Variants in PHIP observed in about 807,000 individuals in gnomAD.
PHIP encodes PHIP subunit of CUL4-Ring ligase complex.
In PHIP, 54 loss-of-function variants were observed where a neutral mutation model predicts 236.8. The ratio of observed to expected loss-of-function variants is 0.23; its 90% CI spans 0.18 to 0.29. The LOEUF is 0.29. Ranked by LOEUF, PHIP falls within the 10% of genes least tolerant of loss-of-function variation. PHIP has a pLI of 1.00. For synonymous variants in PHIP, 756 were observed against 718.9 expected, an observed-to-expected ratio of 1.05 and a Z score of -0.83; for missense variants, 1,370 against 2,190.8, an observed-to-expected ratio of 0.63 and a Z score of 7.48.
chr6:79,012,092 A>G (rs1356414971), intron 15 of PHIP, among the ~76,000 whole-genome samples: 1 of 151,718 alleles, frequency 6.6e-6, no homozygotes, highest in Non-Finnish European at 1.5e-5. Context: ...CAAAAAAAGA[A>G]TTTACATTTC....
intron 23 of PHIP, among the ~76,000 whole-genome samples, chr6:78,979,991 T>C (rs1306796319): frequency 1.3e-5 from 2 of 151,972 alleles, no homozygotes; most frequent in Non-Finnish European, 2.9e-5. Flanking sequence ...AGCATTACCC[T>C]GGAGAGTTAG....
At chr6:78,992,954 G>T (rs1344142104) in intron 19 of PHIP, among the ~76,000 whole-genome samples, 1 of 152,204 alleles carries the variant, frequency 6.6e-6, no homozygotes, top group Non-Finnish European at 1.5e-5. Context: ...TGCCTCTTGT[G>T]CCCAACAACC....
At chr6:79,026,188 T>C (rs746792925) in intron 7 of PHIP, 24 bp from the exon 8 acceptor site, 11 of 1,496,942 alleles carry the variant, frequency 7.3e-6, no homozygotes, top group East Asian at 2.3e-5. Context: ...TGGATATTAA[T>C]AGAATTAACC....
intron 24 of PHIP, among the ~76,000 whole-genome samples, chr6:78,973,195 A>G (rs1767743320): frequency 6.6e-6 from 1 of 152,184 alleles, no homozygotes; most frequent in African/African-American, 2.4e-5. Flanking sequence ...GAAACTCTAC[A>G]AGCCAGAAGA....
intron 4 of PHIP, among the ~76,000 whole-genome samples, chr6:79,073,586 A>G (rs1774000584): frequency 6.6e-6 from 1 of 151,926 alleles, no homozygotes; most frequent in Admixed American, 6.6e-5. Flanking sequence ...TTTCCCTGAA[A>G]GTTGTCTCTA....
intron 9 of PHIP, among the ~76,000 whole-genome samples, chr6:79,023,838 T>C (rs1213254655): frequency 1.3e-5 from 2 of 152,184 alleles, no homozygotes; most frequent in African/African-American, 4.8e-5. Context: ...TTTAATTCTG[T>C]AAAACATTTT....
chr6:79,024,669 G>A (rs987127152), intron 9 of PHIP, among the ~76,000 whole-genome samples: 12 of 152,246 alleles, frequency 7.9e-5, no homozygotes, highest in Non-Finnish European at 1.5e-4. Context: ...TACGGGAGTG[G>A]TGGCGGGCGC....
rs36155238 is a variant in PHIP, at chr6:78,940,548, G to GTTTTTT, written c.*139_*144dup. 0.02 allele frequency: 1,627 copies of GTTTTTT among 82,698 alleles called. 253 individuals are homozygous for GTTTTTT. Among genetic ancestry groups the GTTTTTT allele is most frequent in the African/African-American group, 0.036 (632 of 17,676 alleles). 5.1% of individuals were successfully genotyped at this position (82,698 alleles called of 1,614,324 possible). ...AAGAAGTGAAGTGTCTCGTAAGTTTGTTTTTTTTTTTTTTTTTTTTTTTGC... is the reference window on the plus strand; with the variant it reads ...AAGAAGTGAAGTGTCTCGTAAGTTTGTTTTTTTTTTTTTTTTTTTTTTTTTTTTTGC... On this transcript the variant is annotated 3_prime_UTR_variant, in exon 40 of 40. Coordinates refer to ENST00000275034, the MANE Select transcript of PHIP (RefSeq NM_017934.7).
intron 6 of PHIP, among the ~76,000 whole-genome samples, chr6:79,044,336 T>A (rs963825269): frequency 6.6e-6 from 1 of 152,178 alleles, no homozygotes; most frequent in Non-Finnish European, 1.5e-5. Context: ...TCAATTAGCA[T>A]ATTTAGGCTT....
At chr6:78,941,829 C>A (rs962202888) in intron 39 of PHIP, among the ~76,000 whole-genome samples, 1 of 152,080 alleles carries the variant, frequency 6.6e-6, no homozygotes, top group Non-Finnish European at 1.5e-5. Context: ...TGTGTGCCAC[C>A]ATTATCATGA....
chr6:79,019,034 ATAAGGCTTCTAAATGAACAACTT>A, intron 10 of PHIP, 32 bp downstream of exon 10: 1 of 1,221,320 alleles, frequency 8.2e-7, no homozygotes, highest in Non-Finnish European at 1.2e-6. Flanking sequence ...ACACTCCACT[ATAAGGCTTCTAAATGAACAACTT>A]TAAGTCGAAA....
At chr6:78,952,486 ATAT>A (rs1190064074) in intron 35 of PHIP, among the ~76,000 whole-genome samples, 3 of 151,682 alleles carry the variant, frequency 2.0e-5, no homozygotes, top group Non-Finnish European at 4.4e-5. Context: ...AGCTCCTCAA[ATAT>A]TGCTCCTCTC....
intron 9 of PHIP, among the ~76,000 whole-genome samples, chr6:79,020,503 G>A (rs1331780861): frequency 6.6e-6 from 1 of 152,056 alleles, no homozygotes; most frequent in African/African-American, 2.4e-5. Flanking sequence ...GCAACTAAAT[G>A]CATTGCTTTC....
intron 7 of PHIP, among the ~76,000 whole-genome samples, chr6:79,031,566 C>T (rs1207656834): frequency 1.3e-5 from 2 of 152,046 alleles, no homozygotes; most frequent in Non-Finnish European, 2.9e-5. Context: ...TACATTTTTC[C>T]AATCCTAACA....
In PHIP at chr6:79,078,012, G is replaced by A; in HGVS notation, c.40+17C>T. Reference sequence around the variant, plus strand: ...GAATCGCCCGGTGCCAGCGGCCCCGGCAGCCCCCCGACTTACCCGATCGCA... The same window carrying A: ...GAATCGCCCGGTGCCAGCGGCCCCGACAGCCCCCCGACTTACCCGATCGCA... On this transcript the variant is annotated intron_variant, in intron 1 of 39. Transcript: ENST00000275034. 1.9e-6 allele frequency: 3 copies of A among 1,608,032 alleles called. No individual in the cohort carries two copies. The highest frequency in any genetic ancestry group is 1.7e-6 in the Non-Finnish European group (2 of 1,178,824).
chr6:79,043,365 A>G (rs991192317), intron 6 of PHIP, among the ~76,000 whole-genome samples: 2 of 152,122 alleles, frequency 1.3e-5, no homozygotes, highest in African/African-American at 4.8e-5. Flanking sequence ...TGTCTATGAA[A>G]TAGTTTTTCT....
At chr6:78,962,062 A>G (rs1766817009) in intron 30 of PHIP, among the ~76,000 whole-genome samples, 2 of 152,146 alleles carry the variant, frequency 1.3e-5, no homozygotes, top group African/African-American at 4.8e-5. Flanking sequence ...AATTATATAT[A>G]CATATATCAG....
In PHIP at chr6:79,029,066, CT is replaced by C. The variant is rs1047426284; in HGVS notation, c.601-2903del. Reference sequence around the variant, plus strand: ...TTAGTATTGCTTGATTAAATTTGCTCTTTTTAGACAAGTGCTGAAAACAAAC... The same window carrying C: ...TTAGTATTGCTTGATTAAATTTGCTCTTTTAGACAAGTGCTGAAAACAAAC... On this transcript the variant is annotated intron_variant, in intron 7 of 39. Transcript: ENST00000275034. Among the ~76,000 whole-genome samples, 4 of 152,258 alleles carry C rather than the reference CT, an allele frequency of 2.6e-5. No homozygotes were observed. In the South Asian group the frequency reaches 8.3e-4, roughly 32 times the overall value.
chr6:78,998,285 T>C lies in PHIP; in HGVS notation c.1986A>G (p.Ala662=). Residue 662 remains alanine, a synonymous_variant, in exon 18 of 40, where the codon GCA becomes GCG. Transcript: ENST00000275034. ...QEQDLRRSGE[A]VISNTSRLSR... ...TTAAACGGCTGGTATTACTGATAAC[T>C]GCTTCACCAGAACGTCTCAGGTCTT... The C allele has an allele frequency of 6.2e-7, 1 of 1,610,172 alleles. No individual in the cohort carries two copies. Among genetic ancestry groups the C allele is most frequent in the Non-Finnish European group, 8.5e-7 (1 of 1,176,422 alleles).
Sources: gnomAD v4.1 joint callset for allele counts (sites outside exome capture counted in the v4.1 genomes callset) on GRCh38, gnomAD v4.1.1 for gene constraint, MANE v1.5 for transcripts, NCBI Gene and HGNC (gene_info 2026-07-23, HGNC 2026-07-21) for gene names.